The following TLE3 variants were observed in gnomAD, a reference collection of about 807,000 sequenced individuals.
The protein encoded by TLE3 is transducin-like enhancer protein 3.
Under a neutral mutation model 93.0 loss-of-function variants are expected in TLE3, and 14 were observed. The ratio of observed to expected loss-of-function variants is 0.15; its 90% CI spans 0.10 to 0.24. The LOEUF (loss-of-function observed/expected upper bound fraction) is 0.24, where lower values mean the gene tolerates loss of function less well. Among genes scored for constraint, TLE3 ranks in the 10% least tolerant of loss-of-function variants. The probability of loss-of-function intolerance (pLI) is 1.00; values close to 1 mark genes in which losing one functional copy is unlikely to be tolerated. For missense variants in TLE3, 693 were observed against 1,046.6 expected, an observed-to-expected ratio of 0.66 and a Z score of 4.66; for synonymous variants, 451 against 425.0, an observed-to-expected ratio of 1.06 and a Z score of -0.75.
intron 6 of TLE3, among the ~76,000 whole-genome samples, chr15:70,073,950 G>A (rs1367556349): frequency 2.6e-5 from 4 of 152,226 alleles, no homozygotes; most frequent in Admixed American, 6.5e-5. Flanking sequence ...AAGGGGAGAC[G>A]GGACTTCTAG....
chr15:70,065,973 A>AGCCCCCCCCCCCC, intron 7 of TLE3, 41 bp downstream of exon 7: 6 of 806,250 alleles, frequency 7.4e-6, no homozygotes, highest in East Asian at 5.4e-5. Flanking sequence ...GCCCATGCCC[A>AGCCCCCCCCCCCC]CCCCTGCCCC....
At chr15:70,074,386 A>T (rs1595940868) in intron 6 of TLE3, 147 bp downstream of exon 6, 1 of 985,864 alleles carries the variant, frequency 1.0e-6, no homozygotes, top group Non-Finnish European at 1.5e-6. Flanking sequence ...CATGGGTCCA[A>T]GCCCTTGGGG....
chr15:70,088,733 G>A (rs1429512250), intron 4 of TLE3, among the ~76,000 whole-genome samples: 1 of 152,174 alleles, frequency 6.6e-6, no homozygotes, highest in African/African-American at 2.4e-5. Context: ...TTAAATATGG[G>A]GGAGGGGGCG....
intron 8 of TLE3, among the ~76,000 whole-genome samples, chr15:70,064,059 A>G (rs2056664141): frequency 6.6e-6 from 1 of 152,176 alleles, no homozygotes; most frequent in Admixed American, 6.5e-5. Context: ...CTGACCTCTC[A>G]GAGTATCACC....
chr15:70,053,062 A>T, intron 17 of TLE3, 165 bp downstream of exon 17: 1 of 831,374 alleles, frequency 1.2e-6, no homozygotes, highest in Non-Finnish European at 1.8e-6. Flanking sequence ...CATCTGTTTC[A>T]CTGCTGCTTC....
chr15:70,089,412 T>C (rs879529612), intron 4 of TLE3, among the ~76,000 whole-genome samples: 5 of 152,112 alleles, frequency 3.3e-5, no homozygotes, highest in Admixed American at 2.0e-4. Flanking sequence ...AATAACTGCT[T>C]TGGGAATGAA....
intron 4 of TLE3, 52 bp downstream of exon 4, chr15:70,094,480 T>C: frequency 7.5e-7 from 1 of 1,340,464 alleles, no homozygotes; most frequent in Non-Finnish European, 1.0e-6. Flanking sequence ...GAAGTCCACA[T>C]ATATAAGTTT....
At chr15:70,075,936 C>T (rs1038720254) in intron 5 of TLE3, among the ~76,000 whole-genome samples, 160 bp downstream of exon 5, 12 of 152,156 alleles carry the variant, frequency 7.9e-5, no homozygotes, top group African/African-American at 1.9e-4. Context: ...CCAGACTGGC[C>T]GGAGAAGGCT....
intron 10 of TLE3, among the ~76,000 whole-genome samples, chr15:70,059,079 C>T (rs1021000210): frequency 2.0e-5 from 3 of 152,164 alleles, no homozygotes; most frequent in Admixed American, 1.3e-4. Context: ...AATGTAGATG[C>T]TCTCCAGCTC....
chr15:70,057,751 A>G, intron 12 of TLE3, 93 bp from the exon 13 acceptor site: 4 of 1,445,030 alleles, frequency 2.8e-6, no homozygotes, highest in Non-Finnish European at 3.7e-6. Context: ...CTGCATTCTT[A>G]AGCTGCCTGC....
At chr15:70,076,906 C>G (rs1389342910) in intron 4 of TLE3, among the ~76,000 whole-genome samples, 1 of 152,044 alleles carries the variant, frequency 6.6e-6, no homozygotes, top group African/African-American at 2.4e-5. Context: ...TTTGTAGAGA[C>G]TGGGTTTCGC....
intron 4 of TLE3, among the ~76,000 whole-genome samples, chr15:70,081,766 C>T (rs1194942101): frequency 1.3e-5 from 2 of 152,140 alleles, no homozygotes; most frequent in African/African-American, 4.8e-5. Context: ...GAGTCTGAGA[C>T]CAGTTTGCGG....
At position 70,055,358 on chromosome 15, in the gene TLE3, G is replaced by A. The variant is rs532773738; in HGVS notation, c.1329-60C>T. ...ACCCCGGCCCCTCAGAGTTCCCATA[G>A]GCCTGGCCCAGGTCATCTGCACTGC... On this transcript the variant is annotated intron_variant, in intron 14 of 19. Transcript: ENST00000451782. The A allele has an allele frequency of 1.8e-5, 27 of 1,525,324 alleles. No homozygotes were observed. In the East Asian group the frequency reaches 4.8e-4, roughly 27 times the overall value. The allele number at this position is 1,525,324 out of a possible 1,614,324, so 94.5% of individuals were successfully genotyped here.
At chr15:70,076,201 C>T in intron 4 of TLE3, 43 bp from the exon 5 acceptor site, 1 of 1,595,602 alleles carries the variant, frequency 6.3e-7, no homozygotes, top group Non-Finnish European at 8.6e-7. Flanking sequence ...GCAAATAAAT[C>T]AAGTCACTGA....
rs375661892 is a variant in TLE3 at position 70,054,578 on chromosome 15, C to A, written c.1686G>T (p.Thr562=). The part of the protein sequence containing the change: ...TLTIWDLASP[T]PRIKAELTSS... ...ACGTCAGCTCGGCCTTGATGCGGGG[C>A]GTGGGCGAGGCCAGGTCCCAGATGG... The change falls in exon 16 of 20, where the codon ACG becomes ACT. Residue 562 remains threonine, a synonymous_variant. Transcript: ENST00000451782. 2.5e-6 allele frequency: 4 copies of A among 1,613,648 alleles called. No homozygotes were observed. Among genetic ancestry groups the A allele is most frequent in the Non-Finnish European group, 3.4e-6 (4 of 1,179,804 alleles).
chr15:70,052,344 C>A (rs1163454151), intron 18 of TLE3, 30 bp downstream of exon 18: 1 of 1,605,954 alleles, frequency 6.2e-7, no homozygotes. Context: ...CCACCCCACT[C>A]CATCAGGCCT....
intron 4 of TLE3, chr15:70,079,341 G>A (rs575273632): frequency 8.0e-6 from 4 of 497,866 alleles, no homozygotes; most frequent in South Asian, 2.9e-5. Flanking sequence ...ACTTTGGCAC[G>A]TCACCAGACA....
chr15:70,060,430 T>G lies in TLE3; in HGVS notation c.714+100A>C, dbSNP rs868464111. 15 of 1,512,756 alleles carry G rather than the reference T, an allele frequency of 9.9e-6. No individual in the cohort carries two copies. The African/African-American group carries it at 1.4e-4, about 14-fold the overall frequency. 93.7% of individuals were successfully genotyped at this position (1,512,756 alleles called of 1,614,324 possible). ...GCCAACCTGTGCTTCTCTGACTCAC[T>G]GCCAACCACAAGAAGACCCTGGCCA... On this transcript the variant is annotated intron_variant, in intron 9 of 19. Transcript: ENST00000451782.
intron 8 of TLE3, among the ~76,000 whole-genome samples, chr15:70,062,675 C>G (rs568829103): frequency 6.6e-6 from 1 of 152,216 alleles, no homozygotes; most frequent in African/African-American, 2.4e-5. Flanking sequence ...CCCATCCCCC[C>G]TCCCACTCTG....
Sources: allele counts gnomAD v4.1 joint callset (sites outside exome capture counted in the v4.1 genomes callset), GRCh38; gene constraint gnomAD v4.1.1; transcripts MANE v1.5; gene names NCBI Gene and HGNC (gene_info 2026-07-23, HGNC 2026-07-21).